The following TBC1D8 variants were observed in gnomAD, a reference collection of about 807,000 sequenced individuals.
TBC1D8 encodes the protein BUB2-like protein 1.
Under a neutral mutation model 118.8 loss-of-function variants are expected in TBC1D8, and 65 were observed. That is an observed-to-expected ratio of 0.55 (90% CI 0.45 to 0.67). The LOEUF (loss-of-function observed/expected upper bound fraction) is 0.67. Ranked by LOEUF, TBC1D8 falls within the 30% of genes least tolerant of loss-of-function variation. The pLI, the probability that TBC1D8 is intolerant of heterozygous loss-of-function variation, is 0.00. For synonymous variants in TBC1D8, 566 were observed against 595.8 expected, an observed-to-expected ratio of 0.95 and a Z score of 0.73; for missense variants, 1,376 against 1,471.2, an observed-to-expected ratio of 0.94 and a Z score of 1.06.
chr2:101,151,155 C>A lies in TBC1D8; in HGVS notation c.99G>T (p.Gly33=), dbSNP rs1679549198. The change falls in exon 1 of 20, where the codon GGG becomes GGT. Residue 33 remains glycine (G), a synonymous_variant. Transcript: ENST00000409318. ...TGAGGCGGCCGCCCCCCTCGCCGTGCCCGCGGCGCCGCTGCAGGATGAAGT... is the reference window on the plus strand; with the variant it reads ...TGAGGCGGCCGCCCCCCTCGCCGTGACCGCGGCGCCGCTGCAGGATGAAGT... ...SCYFILQRRR[G]HGEGGGRLTG... 1 of 1,208,166 alleles carries A rather than the reference C, an allele frequency of 8.3e-7. No homozygotes were observed. Among genetic ancestry groups the A allele is most frequent in the South Asian group, 2.2e-5 (1 of 46,378 alleles). The allele number at this position is 1,208,166 out of a possible 1,614,324, so 74.8% of individuals were successfully genotyped here.
At chr2:101,058,232 C>T (rs1237468737) in intron 3 of TBC1D8, among the ~76,000 whole-genome samples, 1 of 152,170 alleles carries the variant, frequency 6.6e-6, no homozygotes, top group Non-Finnish European at 1.5e-5. Context: ...CATTGTCAAG[C>T]TGGCTGGACT....
chr2:101,101,725 G>A (rs1676850223), intron 1 of TBC1D8, among the ~76,000 whole-genome samples: 1 of 152,164 alleles, frequency 6.6e-6, no homozygotes, highest in Non-Finnish European at 1.5e-5. Flanking sequence ...CCATAAAAAG[G>A]AATGAGATCA....
chr2:101,008,525 C>G (rs143716918), intron 19 of TBC1D8, among the ~76,000 whole-genome samples: 2 of 152,286 alleles, frequency 1.3e-5, no homozygotes, highest in Non-Finnish European at 2.9e-5. Flanking sequence ...ATTCAAGAAA[C>G]CACAGCAGGC....
chr2:101,032,372 A>C lies in TBC1D8; in HGVS notation c.1832T>G (p.Leu611Arg). 1.2e-6 allele frequency: 2 copies of C among 1,613,816 alleles called. No individual in the cohort carries two copies. Among genetic ancestry groups the C allele is most frequent in the Non-Finnish European group, 1.7e-6 (2 of 1,179,718 alleles). Residue 611 changes from leucine (L) to arginine (R), a missense_variant, in exon 11 of 20, where the codon CTG becomes CGG. Transcript: ENST00000409318. ...KIGYCQSMNI[L>R]TSVLLLYTKE... ...GGTGTACAGCAGCAGCACGGAGGTC[A>C]GGATGTTCATGGACTGCTCGGGGGT...
intron 1 of TBC1D8, among the ~76,000 whole-genome samples, chr2:101,142,346 A>T (rs756046227): frequency 1.9e-4 from 29 of 152,190 alleles, no homozygotes; most frequent in Non-Finnish European, 3.8e-4. Context: ...AGAGAAATAA[A>T]TTTATGTGTC....
At chr2:101,018,461 T>C (rs1653736721) in intron 17 of TBC1D8, among the ~76,000 whole-genome samples, 1 of 152,212 alleles carries the variant, frequency 6.6e-6, no homozygotes, top group Non-Finnish European at 1.5e-5. Flanking sequence ...ACTCATCCTT[T>C]AGACAGCAGA....
In TBC1D8 at chr2:101,084,097, G is replaced by A. The variant is rs531025179; in HGVS notation, c.283+6112C>T. 1.1e-4 allele frequency among the ~76,000 whole-genome samples: 16 copies of A among 152,320 alleles called. No individual in the cohort carries two copies. In the South Asian group the frequency reaches 2.5e-3, roughly 24 times the overall value. On this transcript the variant is annotated intron_variant, in intron 2 of 19. Transcript: ENST00000409318. ...GGGTCAGGCCTGAGGCAGAAATTGC[G>A]CCCAGTGGGAACTAAAGGAAGCTGA... is the stretch of plus-strand genomic sequence containing the variant.
At chr2:101,012,342 A>G (rs1164634883) in intron 17 of TBC1D8, among the ~76,000 whole-genome samples, 1 of 152,244 alleles carries the variant, frequency 6.6e-6, no homozygotes, top group Non-Finnish European at 1.5e-5. Context: ...TGGCATACCC[A>G]TGCAATGGAA....
In TBC1D8 at chr2:101,034,618, C is replaced by T. The variant is rs116275237; in HGVS notation, c.1604-860G>A. ...TGAAAAGTGTGTGCAAGTGTGTGCA[C>T]GTGTGTCTGTGCAGGCATGTGTGTG... is the stretch of plus-strand genomic sequence containing the variant. On this transcript the variant is annotated intron_variant, in intron 9 of 19. Transcript: ENST00000409318. Among the ~76,000 whole-genome samples the T allele has an allele frequency of 6.1e-3, 924 of 152,170 alleles. 10 individuals are homozygous for T. The highest frequency in any genetic ancestry group is 0.02 in the African/African-American group (850 of 41,522).
intron 1 of TBC1D8, among the ~76,000 whole-genome samples, chr2:101,140,298 T>C (rs1679044794): frequency 6.6e-6 from 1 of 152,128 alleles, no homozygotes; most frequent in Non-Finnish European, 1.5e-5. Context: ...CAAATAAAAG[T>C]ACCTGACTAA....
intron 2 of TBC1D8, among the ~76,000 whole-genome samples, chr2:101,083,884 G>A (rs575510245): frequency 2.3e-4 from 35 of 152,286 alleles, no homozygotes; most frequent in African/African-American, 7.9e-4. Flanking sequence ...CACAGTGCAA[G>A]ATGCCCAAGG....
chr2:101,012,428 G>T (rs943923134), intron 17 of TBC1D8, among the ~76,000 whole-genome samples: 1 of 152,220 alleles, frequency 6.6e-6, no homozygotes, highest in Non-Finnish European at 1.5e-5. Flanking sequence ...CATGCTAGGT[G>T]AGAGAAGTCG....
chr2:101,094,286 C>A (rs772440390), intron 1 of TBC1D8, among the ~76,000 whole-genome samples: 1 of 152,200 alleles, frequency 6.6e-6, no homozygotes, highest in Non-Finnish European at 1.5e-5. Flanking sequence ...CACTTTAATA[C>A]AGAATCTTAG....
chr2:101,024,356 G>A (rs1307907834), intron 15 of TBC1D8, among the ~76,000 whole-genome samples: 1 of 151,898 alleles, frequency 6.6e-6, no homozygotes, highest in East Asian at 1.9e-4. Context: ...GGTGGGTGTG[G>A]AGTGTGGGGA....
At chr2:101,096,530 A>C (rs1469861874) in intron 1 of TBC1D8, among the ~76,000 whole-genome samples, 1 of 151,938 alleles carries the variant, frequency 6.6e-6, no homozygotes, top group Non-Finnish European at 1.5e-5. Flanking sequence ...TGGAATTATC[A>C]GACAGAATTT....
intron 3 of TBC1D8, among the ~76,000 whole-genome samples, chr2:101,056,207 AT>A (rs201834408): frequency 0.01 from 1,413 of 140,186 alleles, 23 homozygotes; most frequent in African/African-American, 0.033. Flanking sequence ...TATTATTATT[AT>A]TTTTTTTTTT....
intron 17 of TBC1D8, among the ~76,000 whole-genome samples, chr2:101,014,711 G>GA (rs1002780266): frequency 1.3e-5 from 2 of 152,112 alleles, no homozygotes; most frequent in Non-Finnish European, 2.9e-5. Flanking sequence ...CAGATATCTT[G>GA]ACATATTGGC....
At chr2:101,083,070 G>A (rs1004324543) in intron 2 of TBC1D8, among the ~76,000 whole-genome samples, 2 of 152,134 alleles carry the variant, frequency 1.3e-5, no homozygotes, top group Non-Finnish European at 1.5e-5. Context: ...GCCTGGCTCG[G>A]CAGAAAGCGC....
intron 1 of TBC1D8, among the ~76,000 whole-genome samples, chr2:101,138,685 C>T (rs775676687): frequency 5.3e-5 from 8 of 152,086 alleles, no homozygotes; most frequent in Non-Finnish European, 1.0e-4. Context: ...ATACACAGGG[C>T]GGGGTGTACT....
Sources: allele counts gnomAD v4.1 joint callset (sites outside exome capture counted in the v4.1 genomes callset), GRCh38; gene constraint gnomAD v4.1.1; transcripts MANE v1.5; gene names NCBI Gene and HGNC (gene_info 2026-07-23, HGNC 2026-07-21).